The following AGBL4 variants were observed in gnomAD, a reference collection of about 807,000 sequenced individuals.
AGBL4 encodes cytosolic carboxypeptidase 6.
AGBL4 carries 58 observed loss-of-function variants against 66.4 expected under a neutral mutation model. The observed-to-expected ratio is 0.87, with a 90% CI of 0.71 to 1.09. The LOEUF (loss-of-function observed/expected upper bound fraction) is 1.09, where lower values mean the gene tolerates loss of function less well. Ranked by LOEUF, AGBL4 falls within the 50% of genes least tolerant of loss-of-function variation. The pLI, the probability that AGBL4 is intolerant of heterozygous loss-of-function variation, is 0.00. For synonymous variants in AGBL4, 234 were observed against 222.9 expected (o/e 1.05, Z -0.44); for missense variants, 579 against 631.0 (o/e 0.92, Z 0.88).
At chr1:49,652,139 A>G (rs1646020021) in intron 3 of AGBL4, among the ~76,000 whole-genome samples, 1 of 152,174 alleles carries the variant, frequency 6.6e-6, no homozygotes, top group African/African-American at 2.4e-5. Flanking sequence ...CCAATCAGTC[A>G]AAAACAAAGC....
At chr1:48,681,856 G>A (rs2148480719) in intron 6 of AGBL4, among the ~76,000 whole-genome samples, 1 of 152,334 alleles carries the variant, frequency 6.6e-6, no homozygotes, top group South Asian at 2.1e-4. Context: ...GGAGACAACA[G>A]GCCAGAGACA....
At chr1:48,738,248 T>C (rs1649374174) in intron 6 of AGBL4, among the ~76,000 whole-genome samples, 1 of 152,208 alleles carries the variant, frequency 6.6e-6, no homozygotes, top group Non-Finnish European at 1.5e-5. Context: ...ACAATCTACC[T>C]GCACGTCTGA....
chr1:49,447,604 C>T (rs1485152620), intron 3 of AGBL4, among the ~76,000 whole-genome samples: 3 of 152,176 alleles, frequency 2.0e-5, no homozygotes, highest in Non-Finnish European at 2.9e-5. Context: ...TGGTGCAATG[C>T]TCTTGAGGAG....
At chr1:48,926,334 C>T (rs1458026210) in intron 5 of AGBL4, among the ~76,000 whole-genome samples, 2 of 150,680 alleles carry the variant, frequency 1.3e-5, no homozygotes, top group Non-Finnish European at 2.9e-5. Context: ...TGCTGGAGTG[C>T]AGTGGCATGA....
At chr1:49,988,999 T>A (rs1283545799) in intron 1 of AGBL4, among the ~76,000 whole-genome samples, 1 of 152,136 alleles carries the variant, frequency 6.6e-6, no homozygotes, top group African/African-American at 2.4e-5. Context: ...ACACACACAA[T>A]TAACCCTAGA....
chr1:48,899,421 G>GTTTT (rs113628909), intron 5 of AGBL4, among the ~76,000 whole-genome samples: 25 of 149,096 alleles, frequency 1.7e-4, no homozygotes, highest in East Asian at 1.2e-3. Flanking sequence ...TAAGTTAATA[G>GTTTT]TTTTTTTTTT....
intron 6 of AGBL4, among the ~76,000 whole-genome samples, chr1:48,848,788 G>T (rs1219370057): frequency 2.0e-5 from 3 of 152,160 alleles, no homozygotes; most frequent in East Asian, 1.9e-4. Flanking sequence ...GTCCTGAAAA[G>T]GTCAGTTAGT....
intron 6 of AGBL4, among the ~76,000 whole-genome samples, chr1:48,784,915 T>C (rs1171044905): frequency 6.6e-6 from 1 of 152,210 alleles, no homozygotes; most frequent in African/African-American, 2.4e-5. Flanking sequence ...AGAACCAACA[T>C]TTGAATTCGT....
rs1207769008 is a variant in AGBL4 at position 49,302,257 on chromosome 1, CT to C, written c.283-56394del. 9.1e-3 allele frequency among the ~76,000 whole-genome samples: 1,333 copies of C among 147,186 alleles called. 44 individuals carry two copies. Among genetic ancestry groups the C allele is most frequent in the Admixed American group, 0.06 (880 of 14,758 alleles). On this transcript the variant is annotated intron_variant, in intron 3 of 13. Coordinates refer to ENST00000371839, the MANE Select transcript of AGBL4 (RefSeq NM_032785.4). ...TTTTCCTACCCTTCTTTCACATGCACTTTTTTTTTTTCTGAGGCGTAGTCTC... is the reference window on the plus strand; with the variant it reads ...TTTTCCTACCCTTCTTTCACATGCACTTTTTTTTTTCTGAGGCGTAGTCTC...
At chr1:49,472,244 C>T (rs1273898042) in intron 3 of AGBL4, among the ~76,000 whole-genome samples, 1 of 151,974 alleles carries the variant, frequency 6.6e-6, no homozygotes, top group African/African-American at 2.4e-5. Flanking sequence ...GATGTGGAGT[C>T]TCATAATCTA....
At chr1:49,434,497 G>A (rs774439969) in intron 3 of AGBL4, among the ~76,000 whole-genome samples, 2 of 152,152 alleles carry the variant, frequency 1.3e-5, no homozygotes, top group South Asian at 2.1e-4. Flanking sequence ...ACTTGAAAAT[G>A]TTTGAGAGAT....
rs1307310295 is a variant in AGBL4 at position 49,256,315 on chromosome 1, A to G, written c.283-10451T>C. On this transcript the variant is annotated intron_variant, in intron 3 of 13. Transcript: ENST00000371839. The stretch of plus-strand genomic sequence containing the variant: ...AATGTACAGTTGTAATATATCAATT[A>G]AAAAATTATATAAAATTCAAAAAGG... 2.6e-5 allele frequency among the ~76,000 whole-genome samples: 4 copies of G among 152,138 alleles called. No individual in the cohort carries two copies. The East Asian group carries it at 7.7e-4, about 29-fold the overall frequency.
At chr1:48,838,307 A>C (rs1442338373) in intron 6 of AGBL4, among the ~76,000 whole-genome samples, 6 of 152,164 alleles carry the variant, frequency 3.9e-5, no homozygotes, top group Non-Finnish European at 5.9e-5. Flanking sequence ...AAGCTGTATT[A>C]ACCCAAACAG....
intron 3 of AGBL4, among the ~76,000 whole-genome samples, chr1:49,380,018 A>C (rs573110319): frequency 6.5e-4 from 99 of 152,262 alleles, no homozygotes; most frequent in African/African-American, 2.1e-3. Context: ...AGGCAGGAGA[A>C]GGAAATAAAG....
intron 6 of AGBL4, among the ~76,000 whole-genome samples, chr1:48,744,434 T>A (rs923030): frequency 0.67 from 101,190 of 152,062 alleles, 34,881 homozygotes; most frequent in Middle Eastern, 0.79. Context: ...TAATTACTTA[T>A]ATTTCCCCTA....
chr1:48,598,778 A>G (rs1173174556), intron 9 of AGBL4, among the ~76,000 whole-genome samples: 1 of 152,020 alleles, frequency 6.6e-6, no homozygotes, highest in Non-Finnish European at 1.5e-5. Flanking sequence ...GCCTGGCCTC[A>G]TTAAATTTAT....
At chr1:49,304,910 G>T (rs1382556724) in intron 3 of AGBL4, among the ~76,000 whole-genome samples, 2 of 152,082 alleles carry the variant, frequency 1.3e-5, no homozygotes, top group Non-Finnish European at 2.9e-5. Context: ...CACATTTTTA[G>T]TATGTAATTT....
intron 11 of AGBL4, among the ~76,000 whole-genome samples, chr1:48,548,236 G>T (rs927368747): frequency 3.5e-5 from 5 of 142,234 alleles, no homozygotes; most frequent in Non-Finnish European, 1.5e-5. Flanking sequence ...GAGTGCTGGG[G>T]CCAAGAAGAA....
At chr1:49,022,244 G>C (rs1247913093) in intron 5 of AGBL4, among the ~76,000 whole-genome samples, 1 of 151,878 alleles carries the variant, frequency 6.6e-6, no homozygotes, top group Non-Finnish European at 1.5e-5. Context: ...GATAGTGCAG[G>C]ATGAAGTTAA....
Sources: allele counts gnomAD v4.1 joint callset (sites outside exome capture counted in the v4.1 genomes callset), GRCh38; gene constraint gnomAD v4.1.1; transcripts MANE v1.5; gene names NCBI Gene and HGNC (gene_info 2026-07-23, HGNC 2026-07-21).